Variants in MAPRE2 observed in about 807,000 individuals in gnomAD.
The protein encoded by MAPRE2 is microtubule associated protein RP/EB family member 2, also known as microtubule-associated protein RP/EB family member 2.
A neutral mutation model predicts 43.2 loss-of-function variants in MAPRE2; 13 were observed. The ratio of observed to expected loss-of-function variants is 0.30; its 90% CI spans 0.20 to 0.48. The LOEUF is 0.48. Among genes scored for constraint, MAPRE2 ranks in the 20% least tolerant of loss-of-function variants. The probability of loss-of-function intolerance (pLI) is 0.99; values close to 1 mark genes in which losing one functional copy is unlikely to be tolerated. For missense variants in MAPRE2, 161 were observed against 400.2 expected, an observed-to-expected ratio of 0.40 and a Z score of 5.10; for synonymous variants, 135 against 148.8, an observed-to-expected ratio of 0.91 and a Z score of 0.68.
At chr18:34,985,025 T>C (rs2097018676) in intron 1 of MAPRE2, among the ~76,000 whole-genome samples, 1 of 75,132 alleles carries the variant, frequency 1.3e-5, no homozygotes, top group Non-Finnish European at 2.3e-5. Flanking sequence ...TTATATAATA[T>C]ATAAAATATA....
chr18:35,062,708 C>T (rs1220453396), intron 1 of MAPRE2, among the ~76,000 whole-genome samples: 2 of 152,210 alleles, frequency 1.3e-5, no homozygotes, highest in African/African-American at 2.4e-5. Context: ...AACACCTAGT[C>T]AGTTGGACTT....
chr18:35,080,443 A>G (rs960607961), intron 2 of MAPRE2, among the ~76,000 whole-genome samples: 1 of 152,170 alleles, frequency 6.6e-6, no homozygotes, highest in Admixed American at 6.5e-5. Flanking sequence ...GTATGAAGCA[A>G]AGGCAGAGAA....
At chr18:35,055,801 A>T (rs956361750) in intron 1 of MAPRE2, among the ~76,000 whole-genome samples, 1 of 151,982 alleles carries the variant, frequency 6.6e-6, no homozygotes, top group Non-Finnish European at 1.5e-5. Context: ...CTAAGAATAC[A>T]AAAATTAGCC....
intron 4 of MAPRE2, among the ~76,000 whole-genome samples, chr18:35,109,556 C>G (rs988265873): frequency 3.3e-5 from 5 of 152,116 alleles, no homozygotes; most frequent in Admixed American, 2.6e-4. Flanking sequence ...GGAAGTATGG[C>G]CTTTTTATTG....
intron 6 of MAPRE2, among the ~76,000 whole-genome samples, chr18:35,138,557 A>T (rs1482665908): frequency 6.6e-6 from 1 of 152,226 alleles, no homozygotes; most frequent in African/African-American, 2.4e-5. Context: ...TATATTCCAG[A>T]GTTCTCCCAC....
chr18:35,009,123 T>C (rs2097033174), intron 2 of MAPRE2, among the ~76,000 whole-genome samples: 1 of 152,150 alleles, frequency 6.6e-6, no homozygotes, highest in South Asian at 2.1e-4. Context: ...CTAAGATATA[T>C]GTAAACGACT....
chr18:35,093,054 A>C (rs1449553534), intron 2 of MAPRE2, among the ~76,000 whole-genome samples: 1 of 151,936 alleles, frequency 6.6e-6, no homozygotes, highest in African/African-American at 2.4e-5. Flanking sequence ...TCTTCTACAA[A>C]TACAAAAATT....
upstream of MAPRE2, among the ~76,000 whole-genome samples, chr18:35,040,340 G>C (rs2097052997): frequency 6.6e-6 from 1 of 152,174 alleles, no homozygotes; most frequent in Middle Eastern, 3.2e-3. Context: ...TTTCACAACA[G>C]TCATCTTGGA....
chr18:34,980,031 C>CTTTTTTTTT (rs796434537), intron 1 of MAPRE2, among the ~76,000 whole-genome samples: 1,224 of 45,536 alleles, frequency 0.027, 3 homozygotes, highest in Non-Finnish European at 0.036. Flanking sequence ...TTCTTTTTTT[C>CTTTTTTTTT]TTTTTTTTTT....
At chr18:35,030,528 C>T (rs945476402) in intron 2 of MAPRE2, among the ~76,000 whole-genome samples, 4 of 149,580 alleles carry the variant, frequency 2.7e-5, no homozygotes, top group South Asian at 2.1e-4. Context: ...CTAGTTACCT[C>T]CTGTGACAAT....
At chr18:34,998,772 A>ATTTTTTTTTTT (rs67933808) in intron 1 of MAPRE2, among the ~76,000 whole-genome samples, 1,445 of 93,716 alleles carry the variant, frequency 0.015, 83 homozygotes, top group Middle Eastern at 0.035. Flanking sequence ...CGAAGTTGCA[A>ATTTTTTTTTTT]TTTTTTTTTT....
chr18:35,088,137 T>C (rs1907965444), intron 2 of MAPRE2, among the ~76,000 whole-genome samples: 1 of 152,150 alleles, frequency 6.6e-6, no homozygotes, highest in African/African-American at 2.4e-5. Flanking sequence ...ATCCAAACCA[T>C]AGCACCAACA....
intron 4 of MAPRE2, among the ~76,000 whole-genome samples, chr18:35,124,018 T>C (rs1909799849): frequency 6.6e-6 from 1 of 152,106 alleles, no homozygotes; most frequent in Non-Finnish European, 1.5e-5. Flanking sequence ...ACCTACTTGC[T>C]CAGAGGAGGT....
At chr18:35,005,922 A>G (rs913200074) in intron 2 of MAPRE2, among the ~76,000 whole-genome samples, 14 of 152,220 alleles carry the variant, frequency 9.2e-5, no homozygotes, top group African/African-American at 3.4e-4. Flanking sequence ...AGAATCAAGA[A>G]AGCCACTCTG....
At chr18:35,113,450 G>C (rs1909270869) in intron 4 of MAPRE2, among the ~76,000 whole-genome samples, 1 of 152,004 alleles carries the variant, frequency 6.6e-6, no homozygotes, top group African/African-American at 2.4e-5. Context: ...CTGGGTCAAA[G>C]TATGTACATT....
intron 1 of MAPRE2, among the ~76,000 whole-genome samples, chr18:34,999,266 T>C (rs984399219): frequency 6.6e-6 from 1 of 152,216 alleles, no homozygotes; most frequent in Non-Finnish European, 1.5e-5. Context: ...GTGAAAATAA[T>C]GTAATTATAG....
chr18:35,003,197 AG>A (rs1320552335), intron 1 of MAPRE2, among the ~76,000 whole-genome samples: 2 of 152,198 alleles, frequency 1.3e-5, no homozygotes, highest in Admixed American at 1.3e-4. Flanking sequence ...TATCCTTGCA[AG>A]GCTGGGACTT....
intron 2 of MAPRE2, among the ~76,000 whole-genome samples, chr18:35,032,547 ACT>A (rs2097048329): frequency 6.6e-6 from 1 of 152,104 alleles, no homozygotes; most frequent in Non-Finnish European, 1.5e-5. Flanking sequence ...AATTATTTGT[ACT>A]CTCTGGCCTA....
At chr18:35,031,895 A>G (rs899125357) in intron 2 of MAPRE2, among the ~76,000 whole-genome samples, 1 of 152,170 alleles carries the variant, frequency 6.6e-6, no homozygotes, top group Non-Finnish European at 1.5e-5. Context: ...ATAAAATGCT[A>G]TTACTTAAGG....
Sources: gnomAD v4.1 joint callset for allele counts (sites outside exome capture counted in the v4.1 genomes callset) on GRCh38, gnomAD v4.1.1 for gene constraint, MANE v1.5 for transcripts, NCBI Gene and HGNC (gene_info 2026-07-23, HGNC 2026-07-21) for gene names.